The following HERC1 variants were observed in gnomAD, a reference collection of about 807,000 sequenced individuals.
HERC1 encodes HECT and RLD domain containing E3 ubiquitin protein ligase family member 1.
In HERC1, 160 loss-of-function variants were observed where a neutral mutation model predicts 554.3. That is an observed-to-expected ratio of 0.29 (90% CI 0.25 to 0.33). HERC1 has a LOEUF of 0.33. Ranked by LOEUF, HERC1 falls within the 10% of genes least tolerant of loss-of-function variation. The probability of loss-of-function intolerance (pLI) is 1.00; values close to 1 mark genes in which losing one functional copy is unlikely to be tolerated. For missense variants in HERC1, 4,919 were observed against 5,918.5 expected, an observed-to-expected ratio of 0.83 and a Z score of 5.54; for synonymous variants, 2,175 against 2,131.7, an observed-to-expected ratio of 1.02 and a Z score of -0.56.
chr15:63,799,428 A>T (rs2076910290), intron 1 of HERC1, among the ~76,000 whole-genome samples: 1 of 152,022 alleles, frequency 6.6e-6, no homozygotes, highest in Non-Finnish European at 1.5e-5. Context: ...TGAGCCCAGG[A>T]GGTCAAGGCT....
intron 1 of HERC1, among the ~76,000 whole-genome samples, chr15:63,809,098 G>GA (rs1192447607): frequency 6.6e-6 from 1 of 151,950 alleles, no homozygotes; most frequent in African/African-American, 2.4e-5. Flanking sequence ...ATTTTAAGGA[G>GA]AAAAAAATAA....
At position 63,658,563 on chromosome 15, in the gene HERC1, G is replaced by A. The variant is rs1316749572; in HGVS notation, c.9580C>T (p.Leu3194=). 3 of 1,612,498 alleles carry A rather than the reference G, an allele frequency of 1.9e-6. No individual in the cohort carries two copies. In the South Asian group the frequency reaches 3.3e-5, roughly 18 times the overall value. The change falls in exon 48 of 78, where the codon CTG becomes TTG. Residue 3194 remains leucine, a synonymous_variant. Transcript: ENST00000443617. ...ACTTACCTGACTGAGAGAAGAGACAGCGCTCTCATGACCATGGTTCTGGCC... is the reference window on the plus strand; with the variant it reads ...ACTTACCTGACTGAGAGAAGAGACAACGCTCTCATGACCATGGTTCTGGCC... The part of the protein sequence containing the change: ...LLARTMVMRA[L]SLLSVSGSSC...
chr15:63,748,026 GA>G (rs2075117967), intron 10 of HERC1, among the ~76,000 whole-genome samples, 168 bp from the exon 11 acceptor site: 1 of 152,154 alleles, frequency 6.6e-6, no homozygotes. Context: ...AGGAGTTCAA[GA>G]CCAGCCTGGC....
chr15:63,656,306 T>C lies in HERC1; in HGVS notation c.9652A>G (p.Ile3218Val). The change falls in exon 49 of 78, where the codon ATC becomes GTC. Residue 3218 changes from isoleucine to valine, a missense_variant. Transcript: ENST00000443617. Reference sequence around the variant, plus strand: ...CACATTAATCGAACTAGCGTTCGGATATCTGTTAGCCCCAGAGACTCAAGA... The same window carrying C: ...CACATTAATCGAACTAGCGTTCGGACATCTGTTAGCCCCAGAGACTCAAGA... ...AGLESLGLTD[I>V]RTLVRLMCLA... 1 of 1,613,896 alleles carries C rather than the reference T, an allele frequency of 6.2e-7. No individual in the cohort carries two copies. Among genetic ancestry groups the C allele is most frequent in the Non-Finnish European group, 8.5e-7 (1 of 1,179,882 alleles).
At chr15:63,762,288 C>G (rs937853460) in intron 3 of HERC1, among the ~76,000 whole-genome samples, 2 of 152,072 alleles carry the variant, frequency 1.3e-5, no homozygotes, top group Admixed American at 1.3e-4. Flanking sequence ...TGCTGAAACT[C>G]AAATAGGCTT....
At chr15:63,631,368 C>T (rs1421015327) in intron 68 of HERC1, among the ~76,000 whole-genome samples, 4 of 152,130 alleles carry the variant, frequency 2.6e-5, no homozygotes, top group Admixed American at 2.6e-4. Flanking sequence ...GAGTGAGCTC[C>T]TAATTGCCTA....
chr15:63,766,015 C>T (rs554590317), intron 2 of HERC1, among the ~76,000 whole-genome samples: 5 of 152,032 alleles, frequency 3.3e-5, no homozygotes, highest in Non-Finnish European at 7.4e-5. Context: ...CAAAATAAAC[C>T]TAAATTGATT....
intron 24 of HERC1, 101 bp downstream of exon 24, chr15:63,712,674 T>C (rs533180198): frequency 9.6e-7 from 1 of 1,046,654 alleles, no homozygotes. Flanking sequence ...AAAAAATTTT[T>C]ATATGTCTAA....
At chr15:63,795,784 AGTTTCC>A (rs2076794678) in intron 1 of HERC1, among the ~76,000 whole-genome samples, 1 of 152,236 alleles carries the variant, frequency 6.6e-6, no homozygotes, top group South Asian at 2.1e-4. Context: ...TGCTGTGTCC[AGTTTCC>A]ACTGGCTGGA....
In HERC1 at chr15:63,667,946, T is replaced by C. The variant is rs78488326; in HGVS notation, c.8207-1474A>G. On this transcript the variant is annotated intron_variant, in intron 40 of 77. Transcript: ENST00000443617. ...TGATGATCCACTTCCACTTAATGAA[T>C]AGTAAATATATCTTCTCATCTTTAT... is the stretch of plus-strand genomic sequence containing the variant. Among the ~76,000 whole-genome samples the C allele has an allele frequency of 7.6e-3, 1,154 of 152,268 alleles. 5 individuals are homozygous for C. The highest frequency in any genetic ancestry group is 0.013 in the Non-Finnish European group (881 of 68,014).
intron 57 of HERC1, among the ~76,000 whole-genome samples, chr15:63,644,774 C>T (rs2152855967): frequency 6.6e-6 from 1 of 152,242 alleles, no homozygotes; most frequent in African/African-American, 2.4e-5. Context: ...TAACAGTCAC[C>T]ACTTAATATG....
intron 2 of HERC1, among the ~76,000 whole-genome samples, chr15:63,767,439 C>T (rs1337693153): frequency 4.6e-5 from 7 of 151,328 alleles, no homozygotes; most frequent in Admixed American, 2.0e-4. Flanking sequence ...ATAAAAACAG[C>T]AAATATCCCC....
Position 63,775,647 on chromosome 15 carries a change from G to A in HERC1, c.-24C>T. 6.5e-7 allele frequency: 1 copy of A among 1,537,596 alleles called. No homozygotes were observed. The highest frequency in any genetic ancestry group is 1.3e-5 in the South Asian group (1 of 79,512). Reference sequence around the variant, plus strand: ...ATGTTGATTTATCCTTCAGCCATTAGTCCTGCAAAGGGAGAAGAGAAAACA... The same window carrying A: ...ATGTTGATTTATCCTTCAGCCATTAATCCTGCAAAGGGAGAAGAGAAAACA... On this transcript the variant is annotated splice_region_variant and 5_prime_UTR_variant, in exon 2 of 78. Transcript: ENST00000443617. The surrounding 1 kb of genome is among the most constrained non-coding windows in gnomAD (Gnocchi z 4.0).
chr15:63,676,360 G>T (rs1355502087), intron 37 of HERC1, among the ~76,000 whole-genome samples: 1 of 152,176 alleles, frequency 6.6e-6, no homozygotes, highest in African/African-American at 2.4e-5. Flanking sequence ...CCCTGAAATT[G>T]TGTGTAAAGT....
chr15:63,622,624 T>C (rs574085711), intron 74 of HERC1, among the ~76,000 whole-genome samples, 191 bp downstream of exon 74: 2 of 152,310 alleles, frequency 1.3e-5, no homozygotes, highest in East Asian at 1.9e-4. Flanking sequence ...TAAGCCACCA[T>C]GCCTGGCCTG....
chr15:63,811,809 CAAAAAAAAAAA>C (rs374847616), intron 1 of HERC1, among the ~76,000 whole-genome samples: 1 of 77,168 alleles, frequency 1.3e-5, no homozygotes, highest in Non-Finnish European at 2.5e-5. Flanking sequence ...ACTCCGTCTC[CAAAAAAAAAAA>C]AAAAAAAACA....
chr15:63,829,917 G>C (rs893242844), intron 1 of HERC1, among the ~76,000 whole-genome samples: 4 of 151,976 alleles, frequency 2.6e-5, no homozygotes, highest in African/African-American at 4.8e-5. Flanking sequence ...ATAGAAAATA[G>C]AGATCCCATA....
At chr15:63,662,434 T>C (rs1399315382) in intron 44 of HERC1, among the ~76,000 whole-genome samples, 1 of 152,246 alleles carries the variant, frequency 6.6e-6, no homozygotes, top group Non-Finnish European at 1.5e-5. Flanking sequence ...GCAGATTCTC[T>C]TTCCTGTAGG....
In HERC1 at chr15:63,638,766, T is replaced by C. The variant is rs2068898186; in HGVS notation, c.11912A>G (p.Lys3971Arg). The C allele has an allele frequency of 6.2e-7, 1 of 1,613,384 alleles. No homozygotes were observed. Among genetic ancestry groups the C allele is most frequent in the South Asian group, 1.1e-5 (1 of 91,068 alleles). ...DELVFLMDNS[K>R]WINGMDEQIM... ...TTGTTCATCCATGCCGTTAATCCAT[T>C]TACTGTTATCCTGAAAAACAGGGGG... The change falls in exon 62 of 78, where the codon AAA becomes AGA. Residue 3971 changes from lysine (K) to arginine (R), a missense_variant. Around this residue, in one of 11 missense-constraint regions of HERC1, gnomAD observed 1,963 missense variants for 2,228.6 expected, o/e 0.88. Transcript: ENST00000443617.
Sources: gnomAD v4.1 joint callset for allele counts (sites outside exome capture counted in the v4.1 genomes callset) on GRCh38, gnomAD v4.1.1 for gene constraint, gnomAD v4.1.1 regional missense constraint, Gnocchi (gnomAD v3.1) non-coding constraint, MANE v1.5 for transcripts, NCBI Gene and HGNC (gene_info 2026-07-23, HGNC 2026-07-21) for gene names.